The following MAP4K4 variants were observed in gnomAD, a reference collection of about 807,000 sequenced individuals.
MAP4K4 encodes the protein HPK/GCK-like kinase HGK.
Under a neutral mutation model 189.6 loss-of-function variants are expected in MAP4K4, and 38 were observed. That is an observed-to-expected ratio of 0.20 (90% CI 0.15 to 0.26). The LOEUF is 0.26. Ranked by LOEUF, MAP4K4 falls within the 10% of genes least tolerant of loss-of-function variation. MAP4K4 has a pLI of 1.00. For synonymous variants in MAP4K4, 610 were observed against 624.3 expected, an observed-to-expected ratio of 0.98 and a Z score of 0.34; for missense variants, 1,054 against 1,726.9, an observed-to-expected ratio of 0.61 and a Z score of 6.91.
At chr2:101,888,237 GGAGACAGAGAATTGGTAAA>G (rs1241298445) in intron 31 of MAP4K4, among the ~76,000 whole-genome samples, 5 of 152,224 alleles carry the variant, frequency 3.3e-5, no homozygotes, top group East Asian at 1.9e-4. Flanking sequence ...CTTTGTAAAG[GGAGACAGAGAATTGGTAAA>G]GAGACAGAGA....
intron 2 of MAP4K4, among the ~76,000 whole-genome samples, chr2:101,732,327 G>A (rs1351199679): frequency 6.6e-6 from 1 of 152,098 alleles, no homozygotes; most frequent in Admixed American, 6.5e-5. Flanking sequence ...TGTGGGGTGG[G>A]GCCAAAGGGA....
intron 2 of MAP4K4, among the ~76,000 whole-genome samples, chr2:101,742,611 A>G (rs2063359640): frequency 6.6e-6 from 1 of 152,014 alleles, no homozygotes; most frequent in South Asian, 2.1e-4. Flanking sequence ...CTGCTTTCCC[A>G]CTTCCTCTGG....
At chr2:101,808,544 A>ACCCCCCC (rs748352629) in intron 3 of MAP4K4, among the ~76,000 whole-genome samples, 1 of 132,808 alleles carries the variant, frequency 7.5e-6, no homozygotes, top group African/African-American at 2.9e-5. Context: ...CACCACCCTC[A>ACCCCCCC]CCCCCCCCCA....
intron 2 of MAP4K4, among the ~76,000 whole-genome samples, chr2:101,787,063 A>C (rs1326627300): frequency 2.0e-5 from 3 of 152,196 alleles, no homozygotes; most frequent in African/African-American, 7.2e-5. Flanking sequence ...TTTAATACTG[A>C]CCAAGTAATT....
intron 2 of MAP4K4, among the ~76,000 whole-genome samples, chr2:101,717,648 G>A (rs187402368): frequency 8.1e-4 from 123 of 152,324 alleles, no homozygotes; most frequent in African/African-American, 2.8e-3. Context: ...TGTCTGTGGT[G>A]TGCCATCTGC....
chr2:101,857,418 G>A (rs1432901066), intron 13 of MAP4K4, among the ~76,000 whole-genome samples: 2 of 152,158 alleles, frequency 1.3e-5, no homozygotes, highest in African/African-American at 2.4e-5. Context: ...GACCTTTGTG[G>A]TTTGGAGAGG....
At chr2:101,728,307 G>C (rs1219461348) in intron 2 of MAP4K4, among the ~76,000 whole-genome samples, 1 of 152,166 alleles carries the variant, frequency 6.6e-6, no homozygotes, top group Non-Finnish European at 1.5e-5. Flanking sequence ...TCTGAGGTAA[G>C]ACTGAGAATC....
chr2:101,785,824 T>C (rs2090904289), intron 2 of MAP4K4, among the ~76,000 whole-genome samples: 1 of 130,406 alleles, frequency 7.7e-6, no homozygotes, highest in Non-Finnish European at 1.6e-5. Context: ...CTTTCTTTCT[T>C]TCTTTCTTTC....
chr2:101,819,384 T>A (rs914819780), intron 3 of MAP4K4, among the ~76,000 whole-genome samples: 3 of 152,254 alleles, frequency 2.0e-5, no homozygotes, highest in Admixed American at 6.5e-5. Flanking sequence ...TTTCCAGTTG[T>A]AGCTGGCTCA....
At chr2:101,853,773 G>A (rs62156943) in intron 12 of MAP4K4, among the ~76,000 whole-genome samples, 36,771 of 151,840 alleles carry the variant, frequency 0.24, 5,438 homozygotes, top group Non-Finnish European at 0.31. Context: ...GATGAAAAGA[G>A]GATCCTAGAA....
chr2:101,729,205 G>T (rs2057279494), intron 2 of MAP4K4, among the ~76,000 whole-genome samples: 1 of 150,848 alleles, frequency 6.6e-6, no homozygotes, highest in Non-Finnish European at 1.5e-5. Flanking sequence ...TGTTGTAGAA[G>T]ACATTATACT....
At chr2:101,859,007 G>A (rs1345903379) in exon 14 of MAP4K4, 1 of 1,612,012 alleles carries the variant, frequency 6.2e-7, no homozygotes, top group Non-Finnish European at 8.5e-7. Flanking sequence ...AGTATATCAG[G>A]CGACAGCTAG....
Position 101,839,801 on chromosome 2 carries a change from C to A in MAP4K4, c.774-18C>A. 1 of 1,546,900 alleles carries A rather than the reference C, an allele frequency of 6.5e-7. No homozygotes were observed. Among genetic ancestry groups the A allele is most frequent in the Non-Finnish European group, 8.7e-7 (1 of 1,151,374 alleles). ...CTCTTTGTGGTGGAAATTTGATGAT[C>A]TTTTTCACTTCTTACAGGTCGAAGA... On this transcript the variant is annotated intron_variant, in intron 9 of 32. Coordinates refer to ENST00000324219, the Ensembl canonical transcript of MAP4K4.
intron 2 of MAP4K4, among the ~76,000 whole-genome samples, chr2:101,715,178 C>T (rs2047742345): frequency 6.6e-6 from 1 of 152,172 alleles, no homozygotes; most frequent in African/African-American, 2.4e-5. Context: ...AAATGGCCAC[C>T]TTCTTAGCCT....
intron 3 of MAP4K4, among the ~76,000 whole-genome samples, chr2:101,808,936 G>T (rs2095229449): frequency 6.6e-6 from 1 of 152,124 alleles, no homozygotes; most frequent in South Asian, 2.1e-4. Flanking sequence ...CGACGTTCTG[G>T]TGTATTTCCA....
intron 2 of MAP4K4, among the ~76,000 whole-genome samples, chr2:101,746,802 A>T (rs2065810486): frequency 1.3e-5 from 2 of 152,096 alleles, no homozygotes; most frequent in Admixed American, 6.6e-5. Flanking sequence ...TGACTTAGGT[A>T]GGTAGGTTTT....
chr2:101,888,945 C>G lies in MAP4K4; in HGVS notation c.4071+10C>G, dbSNP rs1297104865. On this transcript the variant is annotated intron_variant, in intron 32 of 32. Coordinates refer to ENST00000324219, the Ensembl canonical transcript of MAP4K4. ...TGAACGCAATGACAAGGTAATAGTT[C>G]CCTTATGGATTCTTTTTAGTTGCTC... 1 of 1,605,004 alleles carries G rather than the reference C, an allele frequency of 6.2e-7. No individual in the cohort carries two copies. The highest frequency in any genetic ancestry group is 1.7e-4 in the Middle Eastern group (1 of 6,030).
At chr2:101,881,516 TC>T (rs2098389606) in intron 27 of MAP4K4, among the ~76,000 whole-genome samples, 1 of 152,178 alleles carries the variant, frequency 6.6e-6, no homozygotes, top group East Asian at 1.9e-4. Flanking sequence ...ACCTTTTATT[TC>T]CCTTTTTTGT....
At chr2:101,797,517 C>T in intron 3 of MAP4K4, 1 of 642,288 alleles carries the variant, frequency 1.6e-6, no homozygotes, top group Middle Eastern at 6.0e-4. Context: ...TTGTGGGATG[C>T]TAAATTTCCT....
Sources: gnomAD v4.1 joint callset for allele counts (sites outside exome capture counted in the v4.1 genomes callset) on GRCh38, gnomAD v4.1.1 for gene constraint, MANE v1.5 for transcripts, NCBI Gene and HGNC (gene_info 2026-07-23, HGNC 2026-07-21) for gene names.